Variants in MICU1 observed in about 807,000 individuals in gnomAD.
MICU1 encodes calcium uptake protein 1, mitochondrial.
MICU1 carries 45 observed loss-of-function variants against 56.8 expected under a neutral mutation model. The observed-to-expected ratio is 0.79, with a 90% confidence interval of 0.62 to 1.02. The LOEUF is 1.02. MICU1 is among the 50% of genes least tolerant of loss of function. The pLI is 0.00. For missense variants in MICU1, 504 were observed against 587.1 expected (o/e 0.86, Z 1.46); for synonymous variants, 186 against 195.1 (o/e 0.95, Z 0.39).
intron 6 of MICU1, among the ~76,000 whole-genome samples, chr10:72,507,877 C>T (rs768300192): frequency 1.3e-5 from 2 of 152,288 alleles, no homozygotes; most frequent in East Asian, 3.9e-4. Context: ...CTTGATCTCC[C>T]AAAGTTCTGG....
chr10:72,530,066 G>A (rs866142859), intron 5 of MICU1, among the ~76,000 whole-genome samples: 11 of 148,896 alleles, frequency 7.4e-5, no homozygotes, highest in African/African-American at 2.5e-4. Flanking sequence ...GGTGGCTCAC[G>A]CCTGTAATCG....
intron 10 of MICU1, among the ~76,000 whole-genome samples, chr10:72,376,477 C>T (rs929788763): frequency 1.3e-5 from 2 of 151,812 alleles, no homozygotes; most frequent in Admixed American, 1.3e-4. Flanking sequence ...AACCCTGTCT[C>T]TACAAAAAAT....
intron 8 of MICU1, among the ~76,000 whole-genome samples, chr10:72,424,107 C>T (rs1177136178): frequency 8.1e-6 from 1 of 123,606 alleles, no homozygotes; most frequent in Non-Finnish European, 2.0e-5. Context: ...ATAACAGTGA[C>T]CATTTCCCCC....
chr10:72,419,849 G>A (rs890105422), intron 9 of MICU1, among the ~76,000 whole-genome samples: 5 of 152,100 alleles, frequency 3.3e-5, no homozygotes, highest in African/African-American at 9.7e-5. Context: ...TTGGTGATAT[G>A]GTTTGGCTGT....
chr10:72,557,357 G>A (rs915808076), intron 3 of MICU1, among the ~76,000 whole-genome samples: 9 of 152,156 alleles, frequency 5.9e-5, no homozygotes, highest in Non-Finnish European at 1.0e-4. Flanking sequence ...AGGGGAAAGC[G>A]CATTGAAAAA....
At chr10:72,488,278 T>C (rs1318783243) in intron 6 of MICU1, among the ~76,000 whole-genome samples, 1 of 151,796 alleles carries the variant, frequency 6.6e-6, no homozygotes, top group Non-Finnish European at 1.5e-5. Flanking sequence ...AAAAGTTTAA[T>C]AAAAACTTGA....
chr10:72,412,854 G>GAAAA (rs57152777), intron 9 of MICU1, among the ~76,000 whole-genome samples: 1 of 77,032 alleles, frequency 1.3e-5, no homozygotes, highest in East Asian at 4.2e-4. Context: ...TCTGTCTCCA[G>GAAAA]AAAAAAAAAA....
intron 6 of MICU1, among the ~76,000 whole-genome samples, chr10:72,481,025 C>T (rs1866277810): frequency 6.6e-6 from 1 of 152,210 alleles, no homozygotes; most frequent in Non-Finnish European, 1.5e-5. Context: ...TGCGCTGACA[C>T]CACAGAGGCC....
chr10:72,489,072 T>C (rs1003160383), intron 6 of MICU1, among the ~76,000 whole-genome samples: 2 of 152,130 alleles, frequency 1.3e-5, no homozygotes, highest in African/African-American at 4.8e-5. Flanking sequence ...GTGGATCACT[T>C]GAGGTTAGGC....
At chr10:72,553,891 ACTAT>A (rs1244467175) in intron 3 of MICU1, among the ~76,000 whole-genome samples, 12 of 152,264 alleles carry the variant, frequency 7.9e-5, no homozygotes, top group Non-Finnish European at 1.5e-4. Context: ...GGAACAACAA[ACTAT>A]CATGTAAAGA....
At chr10:72,611,534 T>C (rs562160046) in intron 1 of MICU1, among the ~76,000 whole-genome samples, 4 of 151,744 alleles carry the variant, frequency 2.6e-5, no homozygotes, top group African/African-American at 9.7e-5. Context: ...GGCAGGAGAA[T>C]TGCTTGAACC....
intron 3 of MICU1, among the ~76,000 whole-genome samples, chr10:72,554,996 T>C (rs1024697358): frequency 9.2e-5 from 14 of 152,042 alleles, no homozygotes; most frequent in African/African-American, 2.7e-4. Context: ...GCCTGGGTGA[T>C]AGAGAGAGAC....
intron 1 of MICU1, among the ~76,000 whole-genome samples, chr10:72,617,995 A>G (rs1042496954): frequency 6.6e-6 from 1 of 152,050 alleles, no homozygotes; most frequent in Non-Finnish European, 1.5e-5. Flanking sequence ...GTAAAACCCC[A>G]TCTCTACTAA....
chr10:72,447,442 C>T (rs1466833319), intron 8 of MICU1, among the ~76,000 whole-genome samples: 1 of 151,998 alleles, frequency 6.6e-6, no homozygotes, highest in Non-Finnish European at 1.5e-5. Context: ...TTGTATATTA[C>T]TGTTTCTATG....
chr10:72,533,367 G>A (rs929107573), intron 5 of MICU1, among the ~76,000 whole-genome samples: 13 of 152,152 alleles, frequency 8.5e-5, no homozygotes, highest in African/African-American at 2.9e-4. Context: ...TTCTAGTTAA[G>A]ATTATTGCTA....
rs921843945 is a variant in MICU1 at position 72,588,393 on chromosome 10, AG to A, written c.-1-21600del. Among the ~76,000 whole-genome samples the A allele has an allele frequency of 2.0e-4, 31 of 152,130 alleles. 1 individual carries two copies. The highest frequency in any genetic ancestry group is 7.5e-4 in the African/African-American group (31 of 41,426). On this transcript the variant is annotated intron_variant, in intron 1 of 11. Coordinates refer to ENST00000361114, the MANE Select transcript of MICU1 (RefSeq NM_001195518.2). ...TCTCAACTAAGAATCTATGAGGGAA[AG>A]GAAAAAAAACAACTTACATTTTCTG...
chr10:72,572,979 T>A (rs575389371), intron 1 of MICU1, among the ~76,000 whole-genome samples: 1 of 152,218 alleles, frequency 6.6e-6, no homozygotes, highest in African/African-American at 2.4e-5. Flanking sequence ...TGCACACTTG[T>A]GAAATTATGC....
intron 1 of MICU1, among the ~76,000 whole-genome samples, chr10:72,612,733 T>A (rs1256508282): frequency 6.6e-6 from 1 of 151,822 alleles, no homozygotes; most frequent in East Asian, 1.9e-4. Context: ...CCTAGGAGTT[T>A]GAAGCTGCAG....
chr10:72,579,045 A>G (rs956062384), intron 1 of MICU1, among the ~76,000 whole-genome samples: 7 of 152,204 alleles, frequency 4.6e-5, no homozygotes, highest in African/African-American at 9.6e-5. Flanking sequence ...GTCTGGAACC[A>G]AACCTGCCAT....
Sources: allele counts gnomAD v4.1 joint callset (sites outside exome capture counted in the v4.1 genomes callset), GRCh38; gene constraint gnomAD v4.1.1; transcripts MANE v1.5; gene names NCBI Gene and HGNC (gene_info 2026-07-23, HGNC 2026-07-21).